The following BACE2 variants were observed in gnomAD, a reference collection of about 807,000 sequenced individuals.
The protein encoded by BACE2 is 56 kDa aspartic-like protease.
In BACE2, 17 loss-of-function variants were observed where a neutral mutation model predicts 46.2. The ratio of observed to expected loss-of-function variants is 0.37; its 90% CI spans 0.25 to 0.55. The LOEUF is 0.55. BACE2 is among the 20% of genes least tolerant of loss of function. BACE2 has a pLI of 0.82. For synonymous variants in BACE2, 277 were observed against 295.9 expected (o/e 0.94, Z 0.66); for missense variants, 595 against 698.1 (o/e 0.85, Z 1.66).
chr21:41,278,988 G>T lies in BACE2; in HGVS notation c.*3364G>T, dbSNP rs2088518152. 1 of 152,070 alleles carries T rather than the reference G, an allele frequency of 6.6e-6. No homozygotes were observed. The highest frequency in any genetic ancestry group is 1.5e-5 in the Non-Finnish European group (1 of 68,024). The allele number at this position is 152,070 out of a possible 1,614,324, so 9.4% of individuals were successfully genotyped here. A position where few individuals can be genotyped will look rare whatever the true frequency, so the allele number is the denominator to read the frequency against. On this transcript the variant is annotated 3_prime_UTR_variant, in exon 9 of 9. Coordinates refer to ENST00000330333, the MANE Select transcript of BACE2 (RefSeq NM_012105.5). The stretch of plus-strand genomic sequence containing the variant: ...ACTTATTAGACTTGATTAGAAAACT[G>T]TTTGGAGGAAAAACTTGCCAGTAAG...
chr21:41,170,994 A>G (rs1337932063), intron 1 of BACE2, among the ~76,000 whole-genome samples: 1 of 152,180 alleles, frequency 6.6e-6, no homozygotes, highest in Non-Finnish European at 1.5e-5. Context: ...ACAGGGCAAG[A>G]AAGAGGGAGG....
At chr21:41,235,312 T>C (rs1223342805) in intron 2 of BACE2, among the ~76,000 whole-genome samples, 3 of 152,248 alleles carry the variant, frequency 2.0e-5, no homozygotes, top group Non-Finnish European at 4.4e-5. Flanking sequence ...CCTTGGCACA[T>C]AATAGCGCAT....
At chr21:41,259,648 T>C (rs1193040503) in intron 8 of BACE2, among the ~76,000 whole-genome samples, 1 of 149,798 alleles carries the variant, frequency 6.7e-6, no homozygotes, top group Non-Finnish European at 1.5e-5. Flanking sequence ...CACTACTCAT[T>C]ATCCTGAGAT....
chr21:41,247,820 G>T (rs975869947), intron 6 of BACE2, among the ~76,000 whole-genome samples: 1 of 152,220 alleles, frequency 6.6e-6, no homozygotes, highest in African/African-American at 2.4e-5. Flanking sequence ...ACATGGGAAG[G>T]TTGTTTGTCT....
At chr21:41,192,771 A>G (rs1381715356) in intron 1 of BACE2, among the ~76,000 whole-genome samples, 1 of 152,184 alleles carries the variant, frequency 6.6e-6, no homozygotes, top group Non-Finnish European at 1.5e-5. Context: ...ACTCCACTCA[A>G]AATTGGCAGC....
In BACE2 at chr21:41,179,161, T is replaced by A. The variant is rs752206366; in HGVS notation, c.312+10586T>A. ...GGGTGAGGAGTGAGGGTGTCCAGGG[T>A]GAGGAGTGAGGGTGTCAGGGTGAGG... is the stretch of plus-strand genomic sequence containing the variant. On this transcript the variant is annotated intron_variant, in intron 1 of 8. Transcript: ENST00000330333. The A allele has an allele frequency of 5.2e-6, 6 of 1,161,652 alleles. No homozygotes were observed. The Admixed American group carries it at 1.9e-4, about 38-fold the overall frequency. The allele number at this position is 1,161,652 out of a possible 1,614,324, so 72.0% of individuals were successfully genotyped here. A position where few individuals can be genotyped will look rare whatever the true frequency, so the allele number is the denominator to read the frequency against.
intron 1 of BACE2, among the ~76,000 whole-genome samples, chr21:41,216,611 C>T (rs968394674): frequency 6.6e-6 from 1 of 152,220 alleles, no homozygotes. Flanking sequence ...GAACGAGCTC[C>T]GGTCATGAGG....
chr21:41,174,143 T>TTTTTTTTTTTTTTG, intron 1 of BACE2, among the ~76,000 whole-genome samples: 1 of 132,632 alleles, frequency 7.5e-6, no homozygotes, highest in African/African-American at 3.1e-5. Flanking sequence ...AGTGGCCTTT[T>TTTTTTTTTTTTTTG]TTTTTTTTTT....
intron 1 of BACE2, among the ~76,000 whole-genome samples, chr21:41,171,565 C>T (rs1984610581): frequency 6.6e-6 from 1 of 152,352 alleles, no homozygotes; most frequent in Non-Finnish European, 1.5e-5. Flanking sequence ...TTCTTTCGAA[C>T]TGTAGAACTT....
intron 1 of BACE2, among the ~76,000 whole-genome samples, chr21:41,194,309 G>C (rs1211765062): frequency 1.3e-5 from 2 of 152,074 alleles, no homozygotes; most frequent in Non-Finnish European, 2.9e-5. Flanking sequence ...GTGCCCACCT[G>C]ACCTTATCAT....
chr21:41,241,771 T>C (rs1388360953), intron 3 of BACE2, 48 bp from the exon 4 acceptor site: 1 of 1,610,096 alleles, frequency 6.2e-7, no homozygotes, highest in Non-Finnish European at 8.5e-7. Flanking sequence ...GACCCATGTC[T>C]ACACTGTGAG....
At chr21:41,223,651 C>T (rs1225115448) in intron 1 of BACE2, among the ~76,000 whole-genome samples, 3 of 152,186 alleles carry the variant, frequency 2.0e-5, no homozygotes, top group South Asian at 2.1e-4. Context: ...CTCACCTTCA[C>T]TTGATTATCT....
chr21:41,268,064 T>G (rs2088397241), intron 8 of BACE2, among the ~76,000 whole-genome samples: 1 of 152,230 alleles, frequency 6.6e-6, no homozygotes. Flanking sequence ...GAGACATTGA[T>G]GAAAGAGTTA....
chr21:41,173,853 A>G (rs1440739624), intron 1 of BACE2, among the ~76,000 whole-genome samples: 2 of 152,194 alleles, frequency 1.3e-5, no homozygotes, highest in African/African-American at 4.8e-5. Flanking sequence ...TAGATCAATG[A>G]TATTTAAATA....
chr21:41,194,879 C>T (rs80213091), intron 1 of BACE2, among the ~76,000 whole-genome samples: 10,023 of 152,264 alleles, frequency 0.066, 343 homozygotes, highest in Middle Eastern at 0.082. Flanking sequence ...CATGGCAGGA[C>T]ACATCTGAAA....
At chr21:41,189,726 T>A (rs1022859441) in intron 1 of BACE2, among the ~76,000 whole-genome samples, 4 of 152,210 alleles carry the variant, frequency 2.6e-5, no homozygotes, top group Non-Finnish European at 5.9e-5. Flanking sequence ...AGAAAATATT[T>A]TCATTGTTTT....
At chr21:41,214,568 A>G (rs914183) in intron 1 of BACE2, among the ~76,000 whole-genome samples, 11,521 of 152,216 alleles carry the variant, frequency 0.076, 577 homozygotes, top group Non-Finnish European at 0.11. Context: ...TTACTCTCAG[A>G]TTTTCTGTAT....
chr21:41,207,097 T>G (rs1986150421), intron 1 of BACE2, among the ~76,000 whole-genome samples: 1 of 152,210 alleles, frequency 6.6e-6, no homozygotes, highest in Admixed American at 6.5e-5. Context: ...TCTTGAGAAC[T>G]AAGACATTAC....
At chr21:41,226,819 G>A (rs970030373) in intron 2 of BACE2, among the ~76,000 whole-genome samples, 2 of 152,192 alleles carry the variant, frequency 1.3e-5, no homozygotes, top group Admixed American at 6.5e-5. Context: ...TAGGGGTTAC[G>A]GTGTGGTTCA....
Sources: allele counts gnomAD v4.1 joint callset (sites outside exome capture counted in the v4.1 genomes callset), GRCh38; gene constraint gnomAD v4.1.1; transcripts MANE v1.5; gene names NCBI Gene and HGNC (gene_info 2026-07-23, HGNC 2026-07-21).